The following RAPGEF2 variants were observed in gnomAD, a reference collection of about 807,000 sequenced individuals.
RAPGEF2 encodes PDZ domain containing guanine nucleotide exchange factor (GEF) 1.
RAPGEF2 carries 54 observed loss-of-function variants against 186.7 expected under a neutral mutation model. That is an observed-to-expected ratio of 0.29 (90% CI 0.23 to 0.36). The LOEUF is 0.36. RAPGEF2 is among the 10% of genes least tolerant of loss of function. RAPGEF2 has a pLI of 1.00. For missense variants in RAPGEF2, 1,532 were observed against 2,045.0 expected, an observed-to-expected ratio of 0.75 and a Z score of 4.84; for synonymous variants, 712 against 705.9, an observed-to-expected ratio of 1.01 and a Z score of -0.14.
intron 4 of RAPGEF2, among the ~76,000 whole-genome samples, chr4:159,230,171 T>A (rs1353355757): frequency 2.0e-5 from 3 of 152,156 alleles, no homozygotes; most frequent in Non-Finnish European, 4.4e-5. Context: ...ATACCATACT[T>A]CTCCCTTCCA....
At chr4:159,269,437 G>C (rs1757830113) in intron 7 of RAPGEF2, among the ~76,000 whole-genome samples, 1 of 151,906 alleles carries the variant, frequency 6.6e-6, no homozygotes. Flanking sequence ...TCCAGAAAAA[G>C]ACCAGCCCTA....
At chr4:159,277,143 A>T (rs1759012973) in intron 7 of RAPGEF2, among the ~76,000 whole-genome samples, 2 of 142,820 alleles carry the variant, frequency 1.4e-5, no homozygotes, top group Non-Finnish European at 3.0e-5. Flanking sequence ...CTCATTGTTC[A>T]ATTCCCACCT....
intron 11 of RAPGEF2, chr4:159,329,188 C>T (rs1305981024): frequency 6.6e-6 from 1 of 151,964 alleles, no homozygotes; most frequent in East Asian, 1.9e-4. Flanking sequence ...AAGTGGTTTG[C>T]CCTAAGCTCT....
intron 7 of RAPGEF2, among the ~76,000 whole-genome samples, chr4:159,276,845 T>TC (rs1042877221): frequency 1.8e-4 from 23 of 129,746 alleles, no homozygotes; most frequent in Non-Finnish European, 2.6e-4. Flanking sequence ...AGAAGTTTTT[T>TC]CAAAAAAAAA....
intron 1 of RAPGEF2, among the ~76,000 whole-genome samples, chr4:159,154,910 A>G (rs1743958929): frequency 6.6e-6 from 1 of 152,200 alleles, no homozygotes; most frequent in African/African-American, 2.4e-5. Flanking sequence ...TACCATAGAT[A>G]TGATTGTTTG....
At chr4:159,126,631 T>C (rs1010633636) in intron 1 of RAPGEF2, among the ~76,000 whole-genome samples, 1 of 152,194 alleles carries the variant, frequency 6.6e-6, no homozygotes, top group Non-Finnish European at 1.5e-5. Context: ...CACTCCTCTT[T>C]GCTGATTGTG....
At chr4:159,162,385 T>C (rs1744805453) in intron 1 of RAPGEF2, among the ~76,000 whole-genome samples, 4 of 146,658 alleles carry the variant, frequency 2.7e-5, no homozygotes, top group African/African-American at 1.0e-4. Context: ...CAGAGTGAGA[T>C]ACTGTCTCTT....
At chr4:159,197,515 C>G (rs1212470097) in intron 3 of RAPGEF2, among the ~76,000 whole-genome samples, 1 of 152,164 alleles carries the variant, frequency 6.6e-6, no homozygotes, top group African/African-American at 2.4e-5. Flanking sequence ...GCTTTGGTTT[C>G]CAAAAGAGTT....
chr4:159,330,858 TAC>T (rs1239822887), intron 13 of RAPGEF2, among the ~76,000 whole-genome samples: 1 of 152,136 alleles, frequency 6.6e-6, no homozygotes, highest in East Asian at 1.9e-4. Context: ...AGATAAAAGT[TAC>T]AGTTTTTAAA....
At chr4:159,198,983 C>T (rs193079744) in intron 3 of RAPGEF2, among the ~76,000 whole-genome samples, 12 of 145,014 alleles carry the variant, frequency 8.3e-5, no homozygotes, top group Non-Finnish European at 1.3e-4. Flanking sequence ...GGCTGAGCCA[C>T]GAGAATTGCC....
intron 7 of RAPGEF2, among the ~76,000 whole-genome samples, chr4:159,271,003 T>G (rs1020003991): frequency 3.3e-5 from 5 of 152,328 alleles, no homozygotes; most frequent in African/African-American, 1.2e-4. Context: ...AGAAATGTAT[T>G]ATGAGACTGC....
At chr4:159,325,300 G>A (rs1765772383) in intron 11 of RAPGEF2, among the ~76,000 whole-genome samples, 1 of 152,090 alleles carries the variant, frequency 6.6e-6, no homozygotes, top group Non-Finnish European at 1.5e-5. Context: ...TGGTATAAGA[G>A]AGGAAAACAA....
intron 1 of RAPGEF2, among the ~76,000 whole-genome samples, chr4:159,150,503 T>C (rs1743427619): frequency 6.6e-6 from 1 of 152,154 alleles, no homozygotes; most frequent in South Asian, 2.1e-4. Flanking sequence ...TTCAGCATTT[T>C]GTTTGGAGGC....
intron 3 of RAPGEF2, among the ~76,000 whole-genome samples, chr4:159,200,046 A>ATCTC (rs141283472): frequency 0.069 from 10,438 of 151,258 alleles, 544 homozygotes; most frequent in African/African-American, 0.14. Context: ...ATTTGATGTA[A>ATCTC]TCTCTCTCTC....
chr4:159,275,001 TAACTG>T (rs1202325098), intron 7 of RAPGEF2, among the ~76,000 whole-genome samples: 5 of 151,926 alleles, frequency 3.3e-5, no homozygotes, highest in Non-Finnish European at 7.4e-5. Context: ...TTCTTCTTCT[TAACTG>T]AACCCCTAAC....
intron 4 of RAPGEF2, among the ~76,000 whole-genome samples, chr4:159,235,449 T>A (rs1579549056): frequency 1.3e-5 from 2 of 152,258 alleles, no homozygotes; most frequent in East Asian, 3.9e-4. Flanking sequence ...GCACACTGGA[T>A]CCTCTACGGC....
intron 3 of RAPGEF2, among the ~76,000 whole-genome samples, 195 bp downstream of exon 3, chr4:159,193,451 G>A (rs560489346): frequency 6.6e-6 from 1 of 152,212 alleles, no homozygotes; most frequent in East Asian, 1.9e-4. Context: ...GTTCACATTT[G>A]TGTCTATATT....
intron 1 of RAPGEF2, among the ~76,000 whole-genome samples, chr4:159,133,894 T>A (rs1741407898): frequency 6.6e-6 from 1 of 152,128 alleles, no homozygotes; most frequent in African/African-American, 2.4e-5. Flanking sequence ...ATTTTTTGTA[T>A]TTTTAATAGT....
chr4:159,162,190 G>A (rs944686085), intron 1 of RAPGEF2, among the ~76,000 whole-genome samples: 7 of 143,164 alleles, frequency 4.9e-5, no homozygotes, highest in Non-Finnish European at 9.0e-5. Context: ...TTTAATACTC[G>A]CCTGAGCAAT....
Sources: gnomAD v4.1 joint callset for allele counts (sites outside exome capture counted in the v4.1 genomes callset) on GRCh38, gnomAD v4.1.1 for gene constraint, MANE v1.5 for transcripts, NCBI Gene and HGNC (gene_info 2026-07-23, HGNC 2026-07-21) for gene names.